CERS4: variants seen among roughly 807,000 people sequenced by gnomAD.
CERS4 encodes LAG1 homolog, ceramide synthase 4.
A neutral mutation model predicts 51.8 loss-of-function variants in CERS4; 65 were observed. That is an observed-to-expected ratio of 1.26 (90% CI 1.03 to 1.54). The LOEUF is 1.54. Among genes scored for constraint, CERS4 ranks in the 40% most tolerant of loss-of-function variants. The pLI is 0.00. For missense variants in CERS4, 563 were observed against 500.4 expected (o/e 1.13, Z -1.19); for synonymous variants, 228 against 208.4 (o/e 1.09, Z -0.81).
At chr19:8,235,135 A>G (rs562468639) in intron 2 of CERS4, among the ~76,000 whole-genome samples, 3 of 146,216 alleles carry the variant, frequency 2.1e-5, no homozygotes, top group Non-Finnish European at 4.5e-5. Context: ...CAGCCTCCCG[A>G]GTAGCTGGGA....
At chr19:8,243,076 A>T (rs182199226) in intron 2 of CERS4, among the ~76,000 whole-genome samples, 1 of 151,518 alleles carries the variant, frequency 6.6e-6, no homozygotes, top group Non-Finnish European at 1.5e-5. Flanking sequence ...AGAAAGCTGC[A>T]CCAGTGACTC....
In CERS4 at chr19:8,254,590, C is replaced by T. The variant is rs372916757; in HGVS notation, c.265C>T (p.Leu89Phe). 6.2e-7 allele frequency: 1 copy of T among 1,611,570 alleles called. No homozygotes were observed. Among genetic ancestry groups the T allele is most frequent in the Non-Finnish European group, 8.5e-7 (1 of 1,179,240 alleles). Residue 89 changes from leucine to phenylalanine, a missense_variant, in exon 4 of 12, where the codon CTC becomes TTC. Leu to Phe is a conservative substitution (Grantham distance 22, BLOSUM62 0). Coordinates refer to ENST00000251363, the MANE Select transcript of CERS4 (RefSeq NM_024552.3). ...CAACGCCACGCTGGAGAAACACTTC[C>T]TCACGGAAGGGCACAGGCCCAAGGA... ...KPNATLEKHF[L>F]TEGHRPKEPQ...
At position 8,254,578 on chromosome 19, in the gene CERS4, G is replaced by A. The variant is rs1209757619; in HGVS notation, c.253G>A (p.Glu85Lys). Residue 85 changes from glutamate (E) to lysine (K), a missense_variant, in exon 4 of 12, where the codon GAG becomes AAG. Transcript: ENST00000251363. ...GCAAGTGAAGCCCAACGCCACGCTG[G>A]AGAAACACTTCCTCACGGAAGGGCA... ...RRQVKPNATL[E>K]KHFLTEGHRP... 3.7e-6 allele frequency: 6 copies of A among 1,612,918 alleles called. No homozygotes were observed. Among genetic ancestry groups the A allele is most frequent in the Non-Finnish European group, 5.1e-6 (6 of 1,179,684 alleles).
At position 8,261,665 on chromosome 19, in the gene CERS4, T is replaced by G. The variant is rs200811941; in HGVS notation, c.849-23T>G. 2,375 of 1,613,314 alleles carry G rather than the reference T, an allele frequency of 1.5e-3. 23 individuals carry two copies. The highest frequency in any genetic ancestry group is 0.014 in the South Asian group (1,234 of 91,044). On this transcript the variant is annotated intron_variant, in intron 10 of 11. Coordinates refer to ENST00000251363, the MANE Select transcript of CERS4 (RefSeq NM_024552.3). The stretch of plus-strand genomic sequence containing the variant: ...TACAGCGGCTGGTCAAACCCCAGCC[T>G]CCTCCTCTCCCCCTGGCTGTAGGAT...
At chr19:8,216,816 G>T (rs984520303) in intron 2 of CERS4, among the ~76,000 whole-genome samples, 1 of 152,072 alleles carries the variant, frequency 6.6e-6, no homozygotes, top group African/African-American at 2.4e-5. Flanking sequence ...GTTGGACTTG[G>T]GGGGCGGATG....
At chr19:8,230,825 T>G (rs968983548) in intron 2 of CERS4, among the ~76,000 whole-genome samples, 1 of 152,080 alleles carries the variant, frequency 6.6e-6, no homozygotes, top group African/African-American at 2.4e-5. Flanking sequence ...ATAATTTCCA[T>G]TTGTTTTTTG....
At chr19:8,216,783 T>G (rs1967318194) in intron 2 of CERS4, among the ~76,000 whole-genome samples, 1 of 152,020 alleles carries the variant, frequency 6.6e-6, no homozygotes, top group Non-Finnish European at 1.5e-5. Flanking sequence ...CCATCCTGGG[T>G]CCTTATGGCT....
chr19:8,246,096 C>CA (rs145712726), intron 2 of CERS4, among the ~76,000 whole-genome samples: 18,425 of 137,168 alleles, frequency 0.13, 1,288 homozygotes, highest in Middle Eastern at 0.23. Context: ...ACAACAACAA[C>CA]AACAAAAAAA....
intron 2 of CERS4, among the ~76,000 whole-genome samples, chr19:8,225,296 T>C (rs373961657): frequency 2.0e-5 from 3 of 151,938 alleles, no homozygotes; most frequent in African/African-American, 7.3e-5. Flanking sequence ...CACTTGGGAT[T>C]GGCCATGGGA....
At chr19:8,255,770 G>A in intron 5 of CERS4, 45 bp downstream of exon 5, 2 of 1,569,622 alleles carry the variant, frequency 1.3e-6, no homozygotes, top group South Asian at 1.1e-5. Context: ...AGCGGGCCGG[G>A]GTGGGGCGGG....
intron 3 of CERS4, among the ~76,000 whole-genome samples, chr19:8,253,187 C>T (rs532472762): frequency 2.0e-5 from 3 of 152,350 alleles, no homozygotes; most frequent in Admixed American, 6.5e-5. Flanking sequence ...TTGTGGGCAA[C>T]GTGGCCATTG....
chr19:8,228,063 T>C (rs1480689796), intron 2 of CERS4, among the ~76,000 whole-genome samples: 3 of 152,100 alleles, frequency 2.0e-5, no homozygotes, highest in African/African-American at 4.8e-5. Context: ...GGTTTCACCA[T>C]GTTGGCCAGG....
intron 2 of CERS4, among the ~76,000 whole-genome samples, chr19:8,212,840 G>C (rs1967135286): frequency 1.3e-5 from 2 of 150,978 alleles, no homozygotes; most frequent in Non-Finnish European, 2.9e-5. Flanking sequence ...AGGGGGGTGG[G>C]TTTCACCATG....
Sources: gnomAD v4.1 joint callset for allele counts (sites outside exome capture counted in the v4.1 genomes callset) on GRCh38, gnomAD v4.1.1 for gene constraint, MANE v1.5 for transcripts, NCBI Gene and HGNC (gene_info 2026-07-23, HGNC 2026-07-21) for gene names.